METAP1D: variants seen among roughly 807,000 people sequenced by gnomAD.
The protein encoded by METAP1D is methionine aminopeptidase 1D, mitochondrial.
In METAP1D, 31 loss-of-function variants were observed where a neutral mutation model predicts 40.5. The observed-to-expected ratio is 0.77, with a 90% confidence interval of 0.58 to 1.03. The LOEUF (loss-of-function observed/expected upper bound fraction) is 1.03, where lower values mean the gene tolerates loss of function less well. METAP1D is among the 50% of genes least tolerant of loss of function. The pLI, the probability that METAP1D is intolerant of heterozygous loss-of-function variation, is 0.00. For synonymous variants in METAP1D, 151 were observed against 146.4 expected (o/e 1.03, Z -0.22); for missense variants, 411 against 420.7 (o/e 0.98, Z 0.20).
intron 1 of METAP1D, among the ~76,000 whole-genome samples, chr2:172,052,154 A>G (rs1689898445): frequency 6.6e-6 from 1 of 152,200 alleles, no homozygotes; most frequent in South Asian, 2.1e-4. Flanking sequence ...CTGCATACCA[A>G]CTGGGCCTGC....
intron 1 of METAP1D, among the ~76,000 whole-genome samples, chr2:172,022,352 C>T (rs568537757): frequency 1.3e-5 from 2 of 152,126 alleles, no homozygotes; most frequent in Non-Finnish European, 2.9e-5. Flanking sequence ...GCCCTGACTT[C>T]TCCAGTGTTG....
rs1366352227 is a variant in METAP1D at position 172,045,811 on chromosome 2, G to A, written c.41-15687G>A. ...TATATGTATATATGTGTGTGTGTGT[G>A]TGTGTGTGTATATATATATATATAT... On this transcript the variant is annotated intron_variant, in intron 1 of 9. Coordinates refer to ENST00000315796, the MANE Select transcript of METAP1D (RefSeq NM_199227.3). Among the ~76,000 whole-genome samples the A allele has an allele frequency of 4.5e-3, 235 of 51,716 alleles. 4 individuals carry two copies. Among genetic ancestry groups the A allele is most frequent in the African/African-American group, 0.015 (207 of 13,984 alleles). 33.9% of individuals were successfully genotyped at this position (51,716 alleles called of 152,430 possible). A position where few individuals can be genotyped will look rare whatever the true frequency, so the allele number is the denominator to read the frequency against.
intron 1 of METAP1D, among the ~76,000 whole-genome samples, chr2:172,038,504 A>G (rs928665963): frequency 1.3e-5 from 2 of 152,362 alleles, no homozygotes; most frequent in Non-Finnish European, 2.9e-5. Context: ...AACATTTTCT[A>G]TGGATTTACT....
chr2:172,032,912 A>G (rs1689271771), intron 1 of METAP1D, among the ~76,000 whole-genome samples: 1 of 152,140 alleles, frequency 6.6e-6, no homozygotes, highest in Non-Finnish European at 1.5e-5. Context: ...AATAAAAATT[A>G]GCTGAGCCTG....
chr2:172,072,836 T>A (rs1373727370), intron 6 of METAP1D, among the ~76,000 whole-genome samples: 1 of 152,114 alleles, frequency 6.6e-6, no homozygotes, highest in African/African-American at 2.4e-5. Flanking sequence ...CAGTAGCCTT[T>A]CTCCATCATG....
intron 1 of METAP1D, among the ~76,000 whole-genome samples, chr2:172,043,369 G>T (rs1179458829): frequency 7.8e-6 from 1 of 127,876 alleles, no homozygotes; most frequent in Non-Finnish European, 1.8e-5. Context: ...GATAATATTT[G>T]GGGAGAGGAA....
chr2:172,051,914 A>C lies in METAP1D; in HGVS notation c.41-9584A>C, dbSNP rs899574492. 6.8e-4 allele frequency among the ~76,000 whole-genome samples: 103 copies of C among 152,234 alleles called. 1 individual carries two copies. Among genetic ancestry groups the C allele is most frequent in the African/African-American group, 2.3e-3 (97 of 41,452 alleles). On this transcript the variant is annotated intron_variant, in intron 1 of 9. Coordinates refer to ENST00000315796, the MANE Select transcript of METAP1D (RefSeq NM_199227.3). ...AGGATAAACTTTTATGTTTCAGCAT[A>C]AAAGTGAGTTATGACTTTTTTGTCA...
At chr2:172,058,422 T>C (rs180712041) in intron 1 of METAP1D, among the ~76,000 whole-genome samples, 2 of 152,364 alleles carry the variant, frequency 1.3e-5, no homozygotes, top group Admixed American at 1.3e-4. Context: ...AACTGTCTGC[T>C]TTTCCTAGGA....
At chr2:172,001,529 C>A (rs1688462924) in intron 1 of METAP1D, among the ~76,000 whole-genome samples, 13 of 151,104 alleles carry the variant, frequency 8.6e-5, no homozygotes, top group Admixed American at 8.5e-4. Context: ...CAGAGCGAGA[C>A]TCCGTCTCAG....
At chr2:172,004,067 G>T (rs957824020) in intron 1 of METAP1D, among the ~76,000 whole-genome samples, 3 of 152,094 alleles carry the variant, frequency 2.0e-5, no homozygotes, top group Admixed American at 2.0e-4. Context: ...ACCGCACCTG[G>T]CCATTTACTT....
At chr2:172,010,493 CTT>C (rs759651661) in intron 1 of METAP1D, among the ~76,000 whole-genome samples, 8 of 88,964 alleles carry the variant, frequency 9.0e-5, no homozygotes, top group African/African-American at 2.2e-4. Context: ...CTTCTTTCCT[CTT>C]TTTTTTTTTT....
chr2:172,052,176 A>G (rs1295909641), intron 1 of METAP1D, among the ~76,000 whole-genome samples: 1 of 152,260 alleles, frequency 6.6e-6, no homozygotes, highest in African/African-American at 2.4e-5. Context: ...TCCTCTTTAG[A>G]AATGTTGTTT....
chr2:172,050,044 G>C (rs1281672073), intron 1 of METAP1D, among the ~76,000 whole-genome samples: 2 of 151,936 alleles, frequency 1.3e-5, no homozygotes, highest in Admixed American at 6.6e-5. Context: ...TGTCTTATTT[G>C]TTTTTGATAT....
At chr2:172,005,060 G>A (rs988305848) in intron 1 of METAP1D, among the ~76,000 whole-genome samples, 5 of 151,664 alleles carry the variant, frequency 3.3e-5, no homozygotes, top group African/African-American at 1.2e-4. Context: ...GTGGCTAGGC[G>A]CACACCACCA....
At chr2:172,000,913 A>G (rs766784223) in intron 1 of METAP1D, among the ~76,000 whole-genome samples, 1 of 151,976 alleles carries the variant, frequency 6.6e-6, no homozygotes, top group Non-Finnish European at 1.5e-5. Flanking sequence ...AGGTGGTAGG[A>G]TCGCTTGAGC....
chr2:172,043,076 T>C (rs1689653812), intron 1 of METAP1D, among the ~76,000 whole-genome samples: 1 of 102,248 alleles, frequency 9.8e-6, no homozygotes, highest in Non-Finnish European at 2.3e-5. Context: ...TATACGTGTG[T>C]GTGTACATAT....
At chr2:172,032,787 G>C (rs1162202482) in intron 1 of METAP1D, among the ~76,000 whole-genome samples, 2 of 152,218 alleles carry the variant, frequency 1.3e-5, no homozygotes, top group African/African-American at 4.8e-5. Context: ...TTGAGGCCGG[G>C]CGTGGTGGCT....
chr2:172,010,602 C>T (rs1688694287), intron 1 of METAP1D, among the ~76,000 whole-genome samples: 1 of 148,802 alleles, frequency 6.7e-6, no homozygotes, highest in African/African-American at 2.5e-5. Flanking sequence ...AAGTGATTCT[C>T]CTGCCTCAGC....
At chr2:172,068,941 T>C (rs1690356117) in intron 5 of METAP1D, among the ~76,000 whole-genome samples, 1 of 151,966 alleles carries the variant, frequency 6.6e-6, no homozygotes, top group African/African-American at 2.4e-5. Context: ...TTTTCAGATA[T>C]AGGGTCTTGC....
Sources: allele counts gnomAD v4.1 joint callset (sites outside exome capture counted in the v4.1 genomes callset), GRCh38; gene constraint gnomAD v4.1.1; transcripts MANE v1.5; gene names NCBI Gene and HGNC (gene_info 2026-07-23, HGNC 2026-07-21).